The following ROBO2 variants were observed in gnomAD, a reference collection of about 807,000 sequenced individuals.
The protein encoded by ROBO2 is roundabout homolog 2.
A neutral mutation model predicts 160.8 loss-of-function variants in ROBO2; 53 were observed. The observed-to-expected ratio is 0.33, with a 90% CI of 0.26 to 0.41. The LOEUF (loss-of-function observed/expected upper bound fraction) is 0.41. Among genes scored for constraint, ROBO2 ranks in the 10% least tolerant of loss-of-function variants. ROBO2 has a pLI of 1.00. For synonymous variants in ROBO2, 664 were observed against 611.7 expected (o/e 1.09, Z -1.26); for missense variants, 1,577 against 1,722.4 (o/e 0.92, Z 1.49).
intron 16 of ROBO2, among the ~76,000 whole-genome samples, chr3:77,585,680 T>C (rs1394307716): frequency 6.6e-6 from 1 of 151,986 alleles, no homozygotes. Flanking sequence ...TCTTCAGAGA[T>C]TTATTTCTTT....
At chr3:77,001,384 C>T (rs191997424) in intron 2 of ROBO2, among the ~76,000 whole-genome samples, 136 of 152,224 alleles carry the variant, frequency 8.9e-4, no homozygotes, top group Middle Eastern at 3.4e-3. Flanking sequence ...AAATTTACAA[C>T]AGACTGAAAC....
intron 2 of ROBO2, among the ~76,000 whole-genome samples, chr3:77,445,229 T>G (rs574065035): frequency 1.3e-5 from 2 of 152,308 alleles, no homozygotes; most frequent in South Asian, 4.1e-4. Context: ...AGTGGAAAGA[T>G]ACATTTAAAA....
chr3:76,397,973 G>T (rs1282007973), intron 2 of ROBO2, among the ~76,000 whole-genome samples: 1 of 152,034 alleles, frequency 6.6e-6, no homozygotes, highest in Non-Finnish European at 1.5e-5. Context: ...TCCCATTACT[G>T]GGTATATACC....
chr3:76,852,214 TGAATGTTTTGACATGCAACA>T (rs1053399348), intron 2 of ROBO2, among the ~76,000 whole-genome samples: 19 of 152,324 alleles, frequency 1.2e-4, no homozygotes, highest in Admixed American at 7.8e-4. Context: ...AGCATTTTAG[TGAATGTTTTGACATGCAACA>T]TACTTGTTAC....
At chr3:77,470,576 T>G (rs2153579624) in intron 2 of ROBO2, among the ~76,000 whole-genome samples, 1 of 152,322 alleles carries the variant, frequency 6.6e-6, no homozygotes, top group Non-Finnish European at 1.5e-5. Flanking sequence ...TCACTAAATT[T>G]TAGCTATTAT....
chr3:76,643,766 G>A (rs1033005962), intron 2 of ROBO2, among the ~76,000 whole-genome samples: 2 of 151,576 alleles, frequency 1.3e-5, no homozygotes, highest in Non-Finnish European at 2.9e-5. Context: ...CCATTTAATG[G>A]TTTAAAAAAA....
intron 2 of ROBO2, among the ~76,000 whole-genome samples, chr3:77,302,016 C>G (rs865837751): frequency 4.6e-4 from 70 of 152,240 alleles, no homozygotes; most frequent in Admixed American, 5.2e-4. Flanking sequence ...AATCCTCCTG[C>G]CTCAGCCTCC....
At chr3:76,797,797 T>C (rs1226946350) in intron 2 of ROBO2, among the ~76,000 whole-genome samples, 1 of 151,886 alleles carries the variant, frequency 6.6e-6, no homozygotes, top group Non-Finnish European at 1.5e-5. Flanking sequence ...AGAAACTATA[T>C]GGCAAAAAAA....
At chr3:76,290,534 C>G (rs541333617) in intron 2 of ROBO2, among the ~76,000 whole-genome samples, 17 of 152,194 alleles carry the variant, frequency 1.1e-4, no homozygotes, top group Non-Finnish European at 2.2e-4. Context: ...TCTGGTAGCT[C>G]TGGCTATGAC....
intron 2 of ROBO2, among the ~76,000 whole-genome samples, chr3:76,675,607 A>G (rs962308903): frequency 5.9e-5 from 9 of 152,180 alleles, no homozygotes; most frequent in Non-Finnish European, 1.2e-4. Context: ...CTTAGAGTTG[A>G]CAGACTTTGA....
intron 2 of ROBO2, among the ~76,000 whole-genome samples, chr3:76,966,276 A>C (rs1436770038): frequency 6.6e-6 from 1 of 152,162 alleles, no homozygotes; most frequent in Non-Finnish European, 1.5e-5. Flanking sequence ...CTGATGGTTT[A>C]TTCACACAAA....
chr3:76,640,592 T>G (rs2090618005), intron 2 of ROBO2, among the ~76,000 whole-genome samples: 2 of 83,824 alleles, frequency 2.4e-5, no homozygotes, highest in South Asian at 7.2e-4. Flanking sequence ...CGTGTTTGCG[T>G]GTGAGTGTGT....
At chr3:77,521,667 A>G (rs2090613904) in intron 5 of ROBO2, among the ~76,000 whole-genome samples, 1 of 151,278 alleles carries the variant, frequency 6.6e-6, no homozygotes, top group South Asian at 2.1e-4. Flanking sequence ...ATTGGTAAAT[A>G]GACAATGCTT....
chr3:76,030,592 C>T (rs932658198), intron 2 of ROBO2, among the ~76,000 whole-genome samples: 5 of 152,198 alleles, frequency 3.3e-5, no homozygotes, highest in African/African-American at 4.8e-5. Flanking sequence ...TATGGCTAGC[C>T]AGTTTTCCCA....
At chr3:76,823,835 CT>C (rs1249314978) in intron 2 of ROBO2, among the ~76,000 whole-genome samples, 1 of 152,122 alleles carries the variant, frequency 6.6e-6, no homozygotes, top group African/African-American at 2.4e-5. Context: ...ATAATAACAT[CT>C]AAGTTGGATG....
At chr3:77,589,884 A>G (rs1171441118) in intron 17 of ROBO2, among the ~76,000 whole-genome samples, 1 of 152,166 alleles carries the variant, frequency 6.6e-6, no homozygotes, top group African/African-American at 2.4e-5. Flanking sequence ...ACAAATATGT[A>G]AGAAGTTTTT....
At chr3:75,930,776 A>C (rs1203589543) in intron 1 of ROBO2, among the ~76,000 whole-genome samples, 3 of 152,208 alleles carry the variant, frequency 2.0e-5, no homozygotes, top group Non-Finnish European at 1.5e-5. Context: ...CCAGTTCAAC[A>C]TTCATTTAAA....
chr3:76,369,698 G>A (rs2076006347), intron 2 of ROBO2, among the ~76,000 whole-genome samples: 1 of 151,810 alleles, frequency 6.6e-6, no homozygotes, highest in South Asian at 2.1e-4. Context: ...CTCTCTCCTT[G>A]TCCTTTTGCA....
intron 2 of ROBO2, among the ~76,000 whole-genome samples, chr3:76,399,060 C>G (rs1290632337): frequency 6.6e-6 from 1 of 151,484 alleles, no homozygotes; most frequent in Non-Finnish European, 1.5e-5. Context: ...GTAGTATATA[C>G]AATAATATTC....
Sources: gnomAD v4.1 joint callset for allele counts (sites outside exome capture counted in the v4.1 genomes callset) on GRCh38, gnomAD v4.1.1 for gene constraint, MANE v1.5 for transcripts, NCBI Gene and HGNC (gene_info 2026-07-23, HGNC 2026-07-21) for gene names.